TMEM59: variants seen among roughly 807,000 people sequenced by gnomAD.
TMEM59 encodes the protein dendritic cell factor 1.
In TMEM59, 44 loss-of-function variants were observed where a neutral mutation model predicts 42.2. The observed-to-expected ratio is 1.04, with a 90% CI of 0.82 to 1.34. TMEM59 has a LOEUF of 1.34. Among genes scored for constraint, TMEM59 ranks in the 40% most tolerant of loss-of-function variants. The pLI, the probability that TMEM59 is intolerant of heterozygous loss-of-function variation, is 0.00. For missense variants in TMEM59, 359 were observed against 382.8 expected (o/e 0.94, Z 0.52); for synonymous variants, 148 against 145.8 (o/e 1.02, Z -0.11).
intron 1 of TMEM59, among the ~76,000 whole-genome samples, chr1:54,049,203 T>C (rs893874519): frequency 5.3e-5 from 8 of 152,198 alleles, no homozygotes; most frequent in African/African-American, 1.9e-4. Flanking sequence ...TGCACAACCT[T>C]TGACAAGTTA....
At chr1:54,040,293 C>T (rs1303719176) in intron 6 of TMEM59, among the ~76,000 whole-genome samples, 1 of 152,134 alleles carries the variant, frequency 6.6e-6, no homozygotes, top group Non-Finnish European at 1.5e-5. Flanking sequence ...GCTGGGATTA[C>T]AGGCATGCAC....
intron 4 of TMEM59, among the ~76,000 whole-genome samples, chr1:54,042,520 G>C (rs1409514773): frequency 6.6e-6 from 1 of 152,134 alleles, no homozygotes; most frequent in Non-Finnish European, 1.5e-5. Context: ...TTAAGTAGAG[G>C]GGACCCAAGG....
chr1:54,047,662 T>TA, intron 1 of TMEM59: 1 of 333,858 alleles, frequency 3.0e-6, no homozygotes, highest in South Asian at 3.1e-5. Context: ...AAATTAAAAA[T>TA]AAAACTAATA....
At position 54,028,187 on chromosome 1, in the gene TMEM59, G is replaced by A. The variant is rs1656660930; in HGVS notation, c.*3963C>T. On this transcript the variant is annotated 3_prime_UTR_variant, in exon 8 of 8. Coordinates refer to ENST00000234831, the MANE Select transcript of TMEM59 (RefSeq NM_004872.5). ...CCTTCCCAGTTTGCTCAAACATTCTGTTGCCAGGCTGTGACCAGGACTCAG... is the reference window on the plus strand; with the variant it reads ...CCTTCCCAGTTTGCTCAAACATTCTATTGCCAGGCTGTGACCAGGACTCAG... 6.6e-6 allele frequency: 1 copy of A among 152,182 alleles called. No individual in the cohort carries two copies. Among genetic ancestry groups the A allele is most frequent in the African/African-American group, 2.4e-5 (1 of 41,438 alleles). The allele number at this position is 152,182 out of a possible 1,614,324, so 9.4% of individuals were successfully genotyped here. A position where few individuals can be genotyped will look rare whatever the true frequency, so the allele number is the denominator to read the frequency against.
At chr1:54,051,312 G>T (rs901746426) in intron 1 of TMEM59, among the ~76,000 whole-genome samples, 3 of 152,160 alleles carry the variant, frequency 2.0e-5, no homozygotes, top group South Asian at 4.1e-4. Context: ...TACTTTACAG[G>T]GTTGTTGTGA....
rs1177074611 is a variant in TMEM59, at chr1:54,027,245, T to A, written c.*4905A>T. The stretch of plus-strand genomic sequence containing the variant: ...TAGTAATTTTAGAACCACCATGCAG[T>A]CTTATTTTGTGTTAACAGAATATGT... On this transcript the variant is annotated 3_prime_UTR_variant, in exon 8 of 8. Coordinates refer to ENST00000234831, the MANE Select transcript of TMEM59 (RefSeq NM_004872.5). 2.0e-5 allele frequency: 3 copies of A among 152,222 alleles called. No individual in the cohort carries two copies. The highest frequency in any genetic ancestry group is 7.2e-5 in the African/African-American group (3 of 41,464). 9.4% of individuals were successfully genotyped at this position (152,222 alleles called of 1,614,324 possible). A position where few individuals can be genotyped will look rare whatever the true frequency, so the allele number is the denominator to read the frequency against.
At chr1:54,046,568 T>C (rs191612204) in intron 2 of TMEM59, among the ~76,000 whole-genome samples, 140 of 152,336 alleles carry the variant, frequency 9.2e-4, no homozygotes, top group African/African-American at 2.7e-3. Context: ...ATTATGCATA[T>C]ATAAAGATGA....
chr1:54,043,524 A>C lies in TMEM59; in HGVS notation c.392T>G (p.Leu131Arg). 1 of 1,484,732 alleles carries C rather than the reference A, an allele frequency of 6.7e-7. No homozygotes were observed. The highest frequency in any genetic ancestry group is 1.5e-5 in the South Asian group (1 of 65,526). 92.0% of individuals were successfully genotyped at this position (1,484,732 alleles called of 1,614,324 possible). A position where few individuals can be genotyped will look rare whatever the true frequency, so the allele number is the denominator to read the frequency against. The part of the protein sequence containing the change: ...LPFAELRQEQ[L>R]MSLMPKMHLL... ...GTGCATTTTTGGCATCAGGGACATA[A>C]GCTAAAAATAAAATAAATAATGAGA... Residue 131 changes from leucine (L) to arginine (R), a missense_variant and splice_region_variant, in exon 4 of 8, where the codon CTT becomes CGT. Physicochemically the swap from Leu to Arg is moderately radical, Grantham distance 102. Coordinates refer to ENST00000234831, the MANE Select transcript of TMEM59 (RefSeq NM_004872.5).
intron 6 of TMEM59, 153 bp from the exon 7 acceptor site, chr1:54,036,871 ATAT>A (rs1656971632): frequency 2.2e-6 from 1 of 458,118 alleles, no homozygotes; most frequent in African/African-American, 2.0e-5. Flanking sequence ...ACAGAAGGAA[ATAT>A]TATACTAATA....
chr1:54,052,266 C>A (rs1025441712), intron 1 of TMEM59, among the ~76,000 whole-genome samples: 9 of 152,150 alleles, frequency 5.9e-5, no homozygotes, highest in Non-Finnish European at 1.2e-4. Flanking sequence ...AGGGGGGAAG[C>A]ATAGAGAGGA....
intron 1 of TMEM59, among the ~76,000 whole-genome samples, chr1:54,051,469 T>C (rs1183246358): frequency 6.6e-6 from 1 of 152,216 alleles, no homozygotes; most frequent in Admixed American, 6.5e-5. Context: ...AAATAGTTTA[T>C]AGATATAACA....
chr1:54,036,770 G>GAC (rs1656968353), intron 6 of TMEM59, 52 bp from the exon 7 acceptor site: 2 of 1,311,426 alleles, frequency 1.5e-6, no homozygotes, highest in Non-Finnish European at 2.1e-6. Flanking sequence ...TAAGAAACAG[G>GAC]AAATTCTTAA....
In TMEM59 at chr1:54,031,450, G is replaced by A. The variant is rs1056747285; in HGVS notation, c.*700C>T. 2 of 152,192 alleles carry A rather than the reference G, an allele frequency of 1.3e-5. No homozygotes were observed. Among genetic ancestry groups the A allele is most frequent in the African/African-American group, 4.8e-5 (2 of 41,408 alleles). The allele number at this position is 152,192 out of a possible 1,614,324, so 9.4% of individuals were successfully genotyped here. ...CTTATACTTGATATGCTATCTAACA[G>A]AGAAAAATAGTTCTTTGGAAACACT... On this transcript the variant is annotated 3_prime_UTR_variant, in exon 8 of 8. Transcript: ENST00000234831.
chr1:54,039,871 T>C (rs1437528825), intron 6 of TMEM59, among the ~76,000 whole-genome samples: 1 of 152,022 alleles, frequency 6.6e-6, no homozygotes, highest in African/African-American at 2.4e-5. Flanking sequence ...ATATCTGAAC[T>C]CCTTGGAGAA....
chr1:54,041,986 C>T (rs1657152998), intron 4 of TMEM59, among the ~76,000 whole-genome samples, 181 bp from the exon 5 acceptor site: 1 of 151,342 alleles, frequency 6.6e-6, no homozygotes, highest in Admixed American at 6.6e-5. Flanking sequence ...ACATCAGAGC[C>T]AGTGCCTTGC....
Position 54,041,806 on chromosome 1 carries a change from C to G in TMEM59, c.544-1G>C. The G allele has an allele frequency of 6.2e-7, 1 of 1,610,734 alleles. No individual in the cohort carries two copies. Among genetic ancestry groups the G allele is most frequent in the Non-Finnish European group, 8.5e-7 (1 of 1,178,346 alleles). On this transcript the variant is annotated splice_acceptor_variant, in intron 4 of 7. Transcript: ENST00000234831. LOFTEE classifies it high-confidence loss of function. ...GTGCGTACTGGATTTCTGGCTTAGACTAAAATAATAATGAAAGCAATTAAG... is the reference window on the plus strand; with the variant it reads ...GTGCGTACTGGATTTCTGGCTTAGAGTAAAATAATAATGAAAGCAATTAAG...
chr1:54,053,343 C>G (rs1657649407), upstream of TMEM59: 1 of 817,578 alleles, frequency 1.2e-6, no homozygotes, highest in African/African-American at 1.7e-5. Context: ...GAAACTGCCG[C>G]CTCCTGCCTC....
In TMEM59 at chr1:54,053,172, C is replaced by T. The variant is rs1378834033; in HGVS notation, c.17G>A (p.Gly6Glu). MAAPK[G>E]SLWVRTQLGL... is the part of the protein sequence containing the mutation. ...CAGTTGGGTCCTCACCCAGAGGCTC[C>T]CCTTCGGCGCCGCCATCTTGTTCCC... The change falls in exon 1 of 8, where the codon GGG (glycine) becomes GAG (glutamate). Residue 6 changes from glycine to glutamate, a missense_variant. Coordinates refer to ENST00000234831, the MANE Select transcript of TMEM59 (RefSeq NM_004872.5). 1 of 1,614,076 alleles carries T rather than the reference C, an allele frequency of 6.2e-7. No individual in the cohort carries two copies. The highest frequency in any genetic ancestry group is 8.5e-7 in the Non-Finnish European group (1 of 1,179,978).
At chr1:54,039,195 T>C (rs1240557383) in intron 6 of TMEM59, among the ~76,000 whole-genome samples, 2 of 152,188 alleles carry the variant, frequency 1.3e-5, no homozygotes, top group African/African-American at 4.8e-5. Context: ...TAATTTATGT[T>C]TGGGCACAGA....
Sources: allele counts gnomAD v4.1 joint callset (sites outside exome capture counted in the v4.1 genomes callset), GRCh38; gene constraint gnomAD v4.1.1; transcripts MANE v1.5; gene names NCBI Gene and HGNC (gene_info 2026-07-23, HGNC 2026-07-21).